Variants in CPQ observed in about 807,000 individuals in gnomAD.
The protein encoded by CPQ is Ser-Met dipeptidase.
CPQ carries 37 observed loss-of-function variants against 45.7 expected under a neutral mutation model. The observed-to-expected ratio is 0.81, with a 90% CI of 0.62 to 1.07. The LOEUF is 1.07. Ranked by LOEUF, CPQ falls within the 50% of genes least tolerant of loss-of-function variation. The pLI, the probability that CPQ is intolerant of heterozygous loss-of-function variation, is 0.00. For synonymous variants in CPQ, 186 were observed against 205.8 expected (o/e 0.90, Z 0.82); for missense variants, 537 against 572.9 (o/e 0.94, Z 0.64).
At chr8:97,078,728 G>A (rs1277465322) in intron 7 of CPQ, among the ~76,000 whole-genome samples, 1 of 145,622 alleles carries the variant, frequency 6.9e-6, no homozygotes, top group Non-Finnish European at 1.5e-5. Context: ...GTTAACCTAT[G>A]ATGCATATTA....
intron 5 of CPQ, among the ~76,000 whole-genome samples, chr8:96,975,774 C>T (rs1352718839): frequency 6.6e-6 from 1 of 151,992 alleles, no homozygotes; most frequent in Non-Finnish European, 1.5e-5. Context: ...GCAGAAGAAG[C>T]ATTTGACAAA....
At chr8:96,994,110 C>T (rs998897362) in intron 5 of CPQ, among the ~76,000 whole-genome samples, 8 of 152,074 alleles carry the variant, frequency 5.3e-5, no homozygotes, top group African/African-American at 1.7e-4. Context: ...GAATCTTGGT[C>T]GTCTGAGTCA....
In CPQ at chr8:96,914,169, G is replaced by A. The variant is rs139674692; in HGVS notation, c.849+34164G>A. ...ATCAGACAACTTCACCTGTCTTTGC[G>A]TATGAAGTTTTTGTTTGTGTTTTGC... On this transcript the variant is annotated intron_variant, in intron 4 of 7. Transcript: ENST00000220763. Among the ~76,000 whole-genome samples, 113 of 152,234 alleles carry A rather than the reference G, an allele frequency of 7.4e-4. No homozygotes were observed. The East Asian group carries it at 0.019, about 26-fold the overall frequency.
intron 6 of CPQ, among the ~76,000 whole-genome samples, chr8:97,037,424 C>A (rs1200662425): frequency 1.3e-5 from 2 of 152,316 alleles, no homozygotes; most frequent in Non-Finnish European, 2.9e-5. Flanking sequence ...GTCTCCAGCA[C>A]AGCCTTTCTT....
chr8:97,049,094 T>C (rs1231626123), intron 6 of CPQ, among the ~76,000 whole-genome samples: 1 of 152,254 alleles, frequency 6.6e-6, no homozygotes, highest in Non-Finnish European at 1.5e-5. Context: ...GCTAATTATT[T>C]CATTACATGG....
intron 1 of CPQ, among the ~76,000 whole-genome samples, chr8:96,779,257 A>G (rs1020435425): frequency 1.3e-5 from 2 of 151,860 alleles, no homozygotes; most frequent in Non-Finnish European, 2.9e-5. Flanking sequence ...CTGTCTTCAG[A>G]TGTTATGTCT....
At chr8:96,725,648 G>A (rs923676040) in intron 1 of CPQ, among the ~76,000 whole-genome samples, 8 of 152,170 alleles carry the variant, frequency 5.3e-5, no homozygotes, top group African/African-American at 1.4e-4. Context: ...ATGTAAATTG[G>A]TTCAGCCACT....
chr8:97,110,922 G>A (rs1271410966), intron 7 of CPQ, among the ~76,000 whole-genome samples: 1 of 152,190 alleles, frequency 6.6e-6, no homozygotes, highest in East Asian at 1.9e-4. Flanking sequence ...CAGCTTGAAT[G>A]TGGGGCTCCT....
chr8:96,986,331 G>A (rs1235240844), intron 5 of CPQ, among the ~76,000 whole-genome samples: 1 of 152,172 alleles, frequency 6.6e-6, no homozygotes, highest in Non-Finnish European at 1.5e-5. Flanking sequence ...CAAAGCAAAT[G>A]TGTTCTTTTA....
chr8:96,657,996 TG>T (rs1306142580), intron 1 of CPQ, among the ~76,000 whole-genome samples: 5 of 152,264 alleles, frequency 3.3e-5, no homozygotes, highest in African/African-American at 1.2e-4. Context: ...AGGCTGTATT[TG>T]TTACATTTGA....
chr8:97,025,238 T>C (rs1586500961), intron 5 of CPQ, among the ~76,000 whole-genome samples: 1 of 152,304 alleles, frequency 6.6e-6, no homozygotes, highest in East Asian at 1.9e-4. Flanking sequence ...AAGAGATCTT[T>C]TTCATCATTT....
At chr8:96,967,729 G>C (rs1443418823) in intron 5 of CPQ, among the ~76,000 whole-genome samples, 2 of 152,142 alleles carry the variant, frequency 1.3e-5, no homozygotes, top group Non-Finnish European at 2.9e-5. Context: ...TATTTCTTTT[G>C]AGTAGGCATT....
At chr8:96,731,756 G>A (rs946455449) in intron 1 of CPQ, among the ~76,000 whole-genome samples, 2 of 152,124 alleles carry the variant, frequency 1.3e-5, no homozygotes, top group African/African-American at 2.4e-5. Flanking sequence ...ATGGACCAGA[G>A]GAGCAGGTTC....
At chr8:96,681,247 A>G (rs974627910) in intron 1 of CPQ, among the ~76,000 whole-genome samples, 10 of 152,222 alleles carry the variant, frequency 6.6e-5, no homozygotes, top group African/African-American at 2.4e-4. Context: ...AGCCCCTCCC[A>G]TCACAGGACC....
intron 6 of CPQ, among the ~76,000 whole-genome samples, chr8:97,041,406 G>C (rs1441255248): frequency 2.6e-5 from 4 of 152,110 alleles, no homozygotes; most frequent in Non-Finnish European, 5.9e-5. Context: ...GGGTTTTCTA[G>C]ATATACAATC....
intron 1 of CPQ, among the ~76,000 whole-genome samples, chr8:96,773,046 C>G (rs778818241): frequency 3.1e-4 from 47 of 152,114 alleles, no homozygotes; most frequent in Non-Finnish European, 5.4e-4. Context: ...CAGCCAGGAC[C>G]AGGTCCCAGG....
intron 1 of CPQ, among the ~76,000 whole-genome samples, chr8:96,657,000 G>A (rs551873431): frequency 6.6e-6 from 1 of 151,778 alleles, no homozygotes; most frequent in African/African-American, 2.4e-5. Context: ...GGAGCTGGAT[G>A]TCTAGAAACT....
At chr8:96,723,036 A>C (rs188964292) in intron 1 of CPQ, among the ~76,000 whole-genome samples, 1 of 152,306 alleles carries the variant, frequency 6.6e-6, no homozygotes, top group Non-Finnish European at 1.5e-5. Context: ...AAATGATTAA[A>C]TGCTTGTTTT....
At chr8:96,985,378 G>A (rs1813997802) in intron 5 of CPQ, among the ~76,000 whole-genome samples, 1 of 150,824 alleles carries the variant, frequency 6.6e-6, no homozygotes, top group African/African-American at 2.4e-5. Flanking sequence ...CTATCATTTT[G>A]TCTCCCATGT....
Sources: gnomAD v4.1 joint callset for allele counts (sites outside exome capture counted in the v4.1 genomes callset) on GRCh38, gnomAD v4.1.1 for gene constraint, MANE v1.5 for transcripts, NCBI Gene and HGNC (gene_info 2026-07-23, HGNC 2026-07-21) for gene names.